Variants in IL5RA observed in about 807,000 individuals in gnomAD.
IL5RA encodes the protein interleukin 5 receptor subunit alpha.
A neutral mutation model predicts 50.0 loss-of-function variants in IL5RA; 49 were observed. That is an observed-to-expected ratio of 0.98 (90% confidence interval 0.78 to 1.24). The LOEUF is 1.24. IL5RA is among the 50% of genes most tolerant of loss of function. The probability of loss-of-function intolerance (pLI) is 0.00; values close to 1 mark genes in which losing one functional copy is unlikely to be tolerated. For synonymous variants in IL5RA, 202 were observed against 174.0 expected (o/e 1.16, Z -1.26); for missense variants, 600 against 500.4 (o/e 1.20, Z -1.90).
intron 5 of IL5RA, among the ~76,000 whole-genome samples, chr3:3,099,447 G>T (rs1470250760): frequency 6.6e-6 from 1 of 152,038 alleles, no homozygotes; most frequent in Non-Finnish European, 1.5e-5. Context: ...TGGGCAACAT[G>T]GCAAAACCCC....
intron 9 of IL5RA, among the ~76,000 whole-genome samples, chr3:3,085,155 A>G (rs769916539): frequency 3.9e-5 from 6 of 152,230 alleles, no homozygotes; most frequent in Non-Finnish European, 7.3e-5. Context: ...AAAAGGAAGC[A>G]GTGTGACCAA....
chr3:3,091,995 C>A, intron 9 of IL5RA: 3 of 1,223,592 alleles, frequency 2.5e-6, no homozygotes, highest in Non-Finnish European at 3.1e-6. Context: ...AAAAAACAGG[C>A]ACCAGGTCTA....
At chr3:3,085,837 A>G (rs1442324400) in intron 9 of IL5RA, among the ~76,000 whole-genome samples, 1 of 152,140 alleles carries the variant, frequency 6.6e-6, no homozygotes, top group Non-Finnish European at 1.5e-5. Flanking sequence ...TCAAACTCCG[A>G]CAGGAAAGCA....
chr3:3,070,157 G>A lies in IL5RA; in HGVS notation c.*68C>T, dbSNP rs1574970730. ...CTGAACACCTCTTAGCCAAGAGCCAGCATCCCTGTTCTTTTCACTGAGGCA... is the reference window on the plus strand; with the variant it reads ...CTGAACACCTCTTAGCCAAGAGCCAACATCCCTGTTCTTTTCACTGAGGCA... On this transcript the variant is annotated 3_prime_UTR_variant, in exon 12 of 12. Coordinates refer to ENST00000446632, the MANE Select transcript of IL5RA (RefSeq NM_175726.4). The A allele has an allele frequency of 2.1e-5, 21 of 1,001,670 alleles. No individual in the cohort carries two copies. The East Asian group carries it at 4.4e-4, about 21-fold the overall frequency. The allele number at this position is 1,001,670 out of a possible 1,614,324, so 62.0% of individuals were successfully genotyped here. A position where few individuals can be genotyped will look rare whatever the true frequency, so the allele number is the denominator to read the frequency against.
intron 2 of IL5RA, among the ~76,000 whole-genome samples, chr3:3,107,594 A>G (rs991340094): frequency 2.0e-5 from 3 of 151,838 alleles, no homozygotes; most frequent in Non-Finnish European, 4.4e-5. Context: ...TGTTAAAATA[A>G]GATGCAAACT....
chr3:3,108,846 G>T (rs168025), intron 1 of IL5RA, among the ~76,000 whole-genome samples, 155 bp from the exon 2 acceptor site: 244 of 152,172 alleles, frequency 1.6e-3, no homozygotes, highest in Non-Finnish European at 1.9e-3. Flanking sequence ...TTTCCCATGC[G>T]GTGTTTCAAA....
At position 3,075,295 on chromosome 3, in the gene IL5RA, C is replaced by T. The variant is rs576128218; in HGVS notation, c.1092-429G>A. Among the ~76,000 whole-genome samples, 33 of 144,630 alleles carry T rather than the reference C, an allele frequency of 2.3e-4. No homozygotes were observed. The South Asian group carries it at 2.6e-3, about 11-fold the overall frequency. 94.9% of individuals were successfully genotyped at this position (144,630 alleles called of 152,430 possible). A position where few individuals can be genotyped will look rare whatever the true frequency, so the allele number is the denominator to read the frequency against. The stretch of plus-strand genomic sequence containing the variant: ...GTGGCTTATTGCAATCTCCACCTCT[C>T]GGGCTCAAGCAATTCTCCTGCCTCA... On this transcript the variant is annotated intron_variant, in intron 10 of 11. Transcript: ENST00000446632.
Position 3,074,824 on chromosome 3 carries a change from T to C in IL5RA, c.1134A>G (p.Pro378=). ...WIKLFPPIPA[P]KSNIKDLFVT... ...CAAAGAGATCTTTGATATTACTTTT[T>C]GGTGCTGGAATTGGTGGAAACAACT... Residue 378 remains proline (P), a synonymous_variant, in exon 11 of 12, where the codon CCA becomes CCG. Transcript: ENST00000446632. The C allele has an allele frequency of 6.2e-7, 1 of 1,611,604 alleles. No homozygotes were observed. The highest frequency in any genetic ancestry group is 1.1e-5 in the South Asian group (1 of 91,036).
intron 9 of IL5RA, among the ~76,000 whole-genome samples, chr3:3,091,390 A>G (rs1023550789): frequency 3.3e-5 from 5 of 152,176 alleles, no homozygotes; most frequent in Admixed American, 6.5e-5. Context: ...TGGGTACATG[A>G]ACTTAAACAT....
At chr3:3,080,140 G>A (rs1265920135) in intron 9 of IL5RA, among the ~76,000 whole-genome samples, 3 of 152,206 alleles carry the variant, frequency 2.0e-5, no homozygotes, top group African/African-American at 4.8e-5. Context: ...GTCACTGGAA[G>A]TAACTAAGAG....
In IL5RA at chr3:3,098,350, T is replaced by C. The variant is rs1201186796; in HGVS notation, c.368-60A>G. On this transcript the variant is annotated intron_variant, in intron 5 of 11. Transcript: ENST00000446632. ...CCATGGCAAACTCTGAATTTCATGC[T>C]TCTTTTGGAACTATAGTGATGTGAA... 4 of 1,459,040 alleles carry C rather than the reference T, an allele frequency of 2.7e-6. No homozygotes were observed. The African/African-American group carries it at 5.6e-5, about 20-fold the overall frequency. The allele number at this position is 1,459,040 out of a possible 1,614,324, so 90.4% of individuals were successfully genotyped here. A position where few individuals can be genotyped will look rare whatever the true frequency, so the allele number is the denominator to read the frequency against.
At chr3:3,081,813 C>T (rs1252183721) in intron 9 of IL5RA, among the ~76,000 whole-genome samples, 1 of 152,164 alleles carries the variant, frequency 6.6e-6, no homozygotes, top group African/African-American at 2.4e-5. Context: ...GAAGCAAAGT[C>T]ACGGTCACTG....
chr3:3,102,442 T>C (rs981308867), intron 4 of IL5RA, among the ~76,000 whole-genome samples: 4 of 152,180 alleles, frequency 2.6e-5, no homozygotes, highest in African/African-American at 9.7e-5. Context: ...CATTCTTCCT[T>C]AAGGGAAAGA....
intron 9 of IL5RA, among the ~76,000 whole-genome samples, chr3:3,082,560 A>T (rs1191150236): frequency 1.3e-5 from 2 of 152,180 alleles, no homozygotes; most frequent in Non-Finnish European, 2.9e-5. Context: ...AGTTTCCATT[A>T]TTTTTGACAT....
intron 9 of IL5RA, among the ~76,000 whole-genome samples, chr3:3,080,403 T>TTCCC (rs952416444): frequency 9.2e-5 from 14 of 152,142 alleles, no homozygotes; most frequent in African/African-American, 3.1e-4. Context: ...AGGAATCCCA[T>TTCCC]TCCCCTCCCT....
chr3:3,073,945 C>A (rs1702386949), intron 11 of IL5RA: 1 of 261,418 alleles, frequency 3.8e-6, no homozygotes, highest in Non-Finnish European at 7.6e-6. Flanking sequence ...TAAAGATAGA[C>A]AAATAGATCG....
rs144354228 is a variant in IL5RA, at chr3:3,081,316, A to G, written c.995-4689T>C. ...TTCCCAGTCGATTTCCTGAGTAAGG[A>G]ATTCAGCCTGCTTCATGGCCCCATC... On this transcript the variant is annotated intron_variant, in intron 9 of 11. Transcript: ENST00000446632. Among the ~76,000 whole-genome samples the G allele has an allele frequency of 2.0e-5, 3 of 152,344 alleles. No individual in the cohort carries two copies. In the East Asian group the frequency reaches 5.8e-4, roughly 29 times the overall value.
intron 9 of IL5RA, among the ~76,000 whole-genome samples, chr3:3,088,011 C>A (rs974224796): frequency 6.6e-6 from 1 of 152,246 alleles, no homozygotes; most frequent in East Asian, 1.9e-4. Context: ...TTAATCAGCT[C>A]ATCTTCATGA....
At chr3:3,081,445 A>G (rs549709318) in intron 9 of IL5RA, among the ~76,000 whole-genome samples, 1 of 152,316 alleles carries the variant, frequency 6.6e-6, no homozygotes, top group East Asian at 1.9e-4. Context: ...CAAGTGGTAC[A>G]TCAGCAGAAA....
Sources: gnomAD v4.1 joint callset for allele counts (sites outside exome capture counted in the v4.1 genomes callset) on GRCh38, gnomAD v4.1.1 for gene constraint, MANE v1.5 for transcripts, NCBI Gene and HGNC (gene_info 2026-07-23, HGNC 2026-07-21) for gene names.